CALCR: variants seen among roughly 807,000 people sequenced by gnomAD.
The protein encoded by CALCR is calcitonin receptor.
Under a neutral mutation model 59.5 loss-of-function variants are expected in CALCR, and 47 were observed. The observed-to-expected ratio is 0.79, with a 90% CI of 0.63 to 1.01. The LOEUF (loss-of-function observed/expected upper bound fraction) is 1.01, where lower values mean the gene tolerates loss of function less well. Among genes scored for constraint, CALCR ranks in the 50% least tolerant of loss-of-function variants. CALCR has a pLI of 0.00. For missense variants in CALCR, 566 were observed against 597.1 expected, an observed-to-expected ratio of 0.95 and a Z score of 0.54; for synonymous variants, 213 against 211.3, an observed-to-expected ratio of 1.01 and a Z score of -0.07.
intron 5 of CALCR, among the ~76,000 whole-genome samples, chr7:93,473,285 A>C (rs1274323634): frequency 6.6e-6 from 1 of 151,810 alleles, no homozygotes; most frequent in African/African-American, 2.4e-5. Flanking sequence ...GTTAATAATG[A>C]GTCTTTGAAG....
chr7:93,508,085 G>C (rs1330266224), intron 2 of CALCR, among the ~76,000 whole-genome samples: 2 of 152,266 alleles, frequency 1.3e-5, no homozygotes, highest in East Asian at 3.9e-4. Context: ...TATTTCATAA[G>C]ATATGCTCAG....
At chr7:93,572,462 G>T (rs1790029148) in intron 2 of CALCR, among the ~76,000 whole-genome samples, 1 of 152,096 alleles carries the variant, frequency 6.6e-6, no homozygotes, top group South Asian at 2.1e-4. Flanking sequence ...TTTTTTGAAA[G>T]TTCTCCTATT....
At chr7:93,508,175 G>A (rs1018861992) in intron 2 of CALCR, among the ~76,000 whole-genome samples, 1 of 152,150 alleles carries the variant, frequency 6.6e-6, no homozygotes, top group Non-Finnish European at 1.5e-5. Context: ...AAAAATAAGT[G>A]TGCACTTATT....
At chr7:93,442,483 C>T (rs1799927289) in intron 9 of CALCR, among the ~76,000 whole-genome samples, 1 of 152,150 alleles carries the variant, frequency 6.6e-6, no homozygotes, top group Admixed American at 6.5e-5. Flanking sequence ...TTACAGACTG[C>T]AGGAAAGACT....
chr7:93,551,022 G>A (rs1245514754), intron 2 of CALCR, among the ~76,000 whole-genome samples: 1 of 152,160 alleles, frequency 6.6e-6, no homozygotes, highest in Non-Finnish European at 1.5e-5. Flanking sequence ...TTTGAAGGAA[G>A]AAGCCATTAT....
At chr7:93,480,452 G>T (rs566504309) in intron 3 of CALCR, among the ~76,000 whole-genome samples, 1 of 151,726 alleles carries the variant, frequency 6.6e-6, no homozygotes, top group Non-Finnish European at 1.5e-5. Context: ...ATTTAGGAAT[G>T]CTGCTTAATT....
At chr7:93,536,547 A>C (rs1788992966) in intron 2 of CALCR, among the ~76,000 whole-genome samples, 1 of 150,384 alleles carries the variant, frequency 6.6e-6, no homozygotes, top group Non-Finnish European at 1.5e-5. Context: ...TTTTATTTTT[A>C]ATTTTATCAT....
At chr7:93,496,123 A>C in intron 2 of CALCR, 1 of 550,790 alleles carries the variant, frequency 1.8e-6, no homozygotes, top group South Asian at 2.4e-5. Flanking sequence ...GTCTGAAAAT[A>C]ATGTGTCTAT....
chr7:93,460,595 A>ATATATATG (rs1554397842), intron 8 of CALCR, among the ~76,000 whole-genome samples: 170 of 77,664 alleles, frequency 2.2e-3, no homozygotes, highest in Middle Eastern at 0.015. Flanking sequence ...ATATATATGT[A>ATATATATG]TATATATATA....
chr7:93,434,159 A>G lies in CALCR; in HGVS notation c.1191+94T>C, dbSNP rs1251755373. The G allele has an allele frequency of 3.5e-6, 3 of 861,950 alleles. No homozygotes were observed. In the African/African-American group the frequency reaches 5.0e-5, roughly 14 times the overall value. 53.4% of individuals were successfully genotyped at this position (861,950 alleles called of 1,614,324 possible). A position where few individuals can be genotyped will look rare whatever the true frequency, so the allele number is the denominator to read the frequency against. ...CAAAACCCTATGAGGTCAACTGTAGAAGTGAGATGAAATGAAATTTGTACA... is the reference window on the plus strand; with the variant it reads ...CAAAACCCTATGAGGTCAACTGTAGGAGTGAGATGAAATGAAATTTGTACA... On this transcript the variant is annotated intron_variant, in intron 13 of 13. Coordinates refer to ENST00000426151, the MANE Select transcript of CALCR (RefSeq NM_001742.4).
rs1190048913 is a variant in CALCR at position 93,554,778 on chromosome 7, T to TATATATATATATATTATACGTATATATA, written c.-27+19510_-27+19511insTATATATACGTATAATATATATATATAT. ...CAAATTGCCAGGCCATGTATATATA[T>TATATATATATATATTATACGTATATATA]ATATATATATATATTATACGTACAT... On this transcript the variant is annotated intron_variant, in intron 2 of 13. Coordinates refer to ENST00000426151, the MANE Select transcript of CALCR (RefSeq NM_001742.4). Among the ~76,000 whole-genome samples, 83 of 143,274 alleles carry TATATATATATATATTATACGTATATATA rather than the reference T, an allele frequency of 5.8e-4. 4 individuals are homozygous for TATATATATATATATTATACGTATATATA. Among genetic ancestry groups the TATATATATATATATTATACGTATATATA allele is most frequent in the African/African-American group, 2.2e-3 (78 of 35,966 alleles). The allele number at this position is 143,274 out of a possible 152,430, so 94.0% of individuals were successfully genotyped here.
intron 8 of CALCR, among the ~76,000 whole-genome samples, chr7:93,446,053 T>A (rs916088348): frequency 4.6e-5 from 7 of 152,144 alleles, no homozygotes; most frequent in Non-Finnish European, 1.0e-4. Flanking sequence ...ATTCTGTGAA[T>A]GTCTGTGAAT....
chr7:93,534,609 C>T (rs1484381829), intron 2 of CALCR, among the ~76,000 whole-genome samples: 1 of 151,678 alleles, frequency 6.6e-6, no homozygotes, highest in Non-Finnish European at 1.5e-5. Context: ...TCTTAGGAAG[C>T]GTTTTTATTT....
At chr7:93,510,317 A>G (rs1801518242) in intron 2 of CALCR, among the ~76,000 whole-genome samples, 1 of 152,068 alleles carries the variant, frequency 6.6e-6, no homozygotes, top group African/African-American at 2.4e-5. Context: ...TCCATGGGGG[A>G]AAGGTCCCTC....
At chr7:93,501,304 C>G (rs1801316613) in intron 2 of CALCR, among the ~76,000 whole-genome samples, 1 of 151,952 alleles carries the variant, frequency 6.6e-6, no homozygotes, top group Non-Finnish European at 1.5e-5. Context: ...AAAGCTTAGT[C>G]CTTGTGAGAA....
At chr7:93,464,997 A>G (rs1454112051) in intron 7 of CALCR, among the ~76,000 whole-genome samples, 2 of 151,926 alleles carry the variant, frequency 1.3e-5, no homozygotes, top group Non-Finnish European at 2.9e-5. Flanking sequence ...GCTTTTTGTC[A>G]ATGTGGCCAA....
chr7:93,517,995 G>A (rs1166320731), intron 2 of CALCR, among the ~76,000 whole-genome samples: 2 of 151,778 alleles, frequency 1.3e-5, no homozygotes, highest in African/African-American at 2.4e-5. Context: ...GAAAAAATGG[G>A]TTCCTTCTTC....
At chr7:93,567,672 G>A (rs995570359) in intron 2 of CALCR, among the ~76,000 whole-genome samples, 2 of 151,988 alleles carry the variant, frequency 1.3e-5, no homozygotes, top group African/African-American at 4.8e-5. Context: ...TTTACATTAG[G>A]TATTTCTTCT....
chr7:93,531,905 G>T (rs1283423461), intron 2 of CALCR, among the ~76,000 whole-genome samples: 1 of 151,922 alleles, frequency 6.6e-6, no homozygotes, highest in East Asian at 1.9e-4. Flanking sequence ...AAAATTCATT[G>T]ATCTGAAAAA....
Sources: gnomAD v4.1 joint callset for allele counts (sites outside exome capture counted in the v4.1 genomes callset) on GRCh38, gnomAD v4.1.1 for gene constraint, MANE v1.5 for transcripts, NCBI Gene and HGNC (gene_info 2026-07-23, HGNC 2026-07-21) for gene names.